Variants in MYO1D observed in about 807,000 individuals in gnomAD.
The protein encoded by MYO1D is unconventional myosin-Id.
MYO1D carries 83 observed loss-of-function variants against 122.0 expected under a neutral mutation model. The ratio of observed to expected loss-of-function variants is 0.68; its 90% CI spans 0.57 to 0.82. MYO1D has a LOEUF of 0.82. MYO1D is among the 40% of genes least tolerant of loss of function. The pLI, the probability that MYO1D is intolerant of heterozygous loss-of-function variation, is 0.00. For synonymous variants in MYO1D, 464 were observed against 446.9 expected (o/e 1.04, Z -0.48); for missense variants, 1,157 against 1,269.5 (o/e 0.91, Z 1.35).
chr17:32,499,795 C>CA (rs59999483), intron 21 of MYO1D, among the ~76,000 whole-genome samples: 89 of 144,926 alleles, frequency 6.1e-4, no homozygotes, highest in Middle Eastern at 3.6e-3. Context: ...ACTGTCTCTA[C>CA]AAAAAAAAAA....
At chr17:32,736,525 T>G (rs1042147358) in intron 14 of MYO1D, among the ~76,000 whole-genome samples, 1 of 152,240 alleles carries the variant, frequency 6.6e-6, no homozygotes, top group Non-Finnish European at 1.5e-5. Context: ...ATGCCAGTCC[T>G]GGGATGCCTT....
At chr17:32,868,541 G>C (rs188815225) in intron 1 of MYO1D, among the ~76,000 whole-genome samples, 1 of 152,260 alleles carries the variant, frequency 6.6e-6, no homozygotes, top group African/African-American at 2.4e-5. Context: ...TCTTAGTGAG[G>C]GAGGAAGAAA....
chr17:32,621,993 G>A (rs321154), intron 20 of MYO1D, among the ~76,000 whole-genome samples: 87,917 of 151,952 alleles, frequency 0.58, 26,161 homozygotes, highest in African/African-American at 0.71. Context: ...CTGGGAAATA[G>A]ATTCCTGTTG....
intron 7 of MYO1D, among the ~76,000 whole-genome samples, chr17:32,765,368 T>C (rs2090045114): frequency 6.6e-6 from 1 of 152,198 alleles, no homozygotes; most frequent in African/African-American, 2.4e-5. Context: ...GTGTCATACT[T>C]AGACCATTCC....
intron 21 of MYO1D, among the ~76,000 whole-genome samples, chr17:32,499,523 A>G (rs886559561): frequency 1.1e-4 from 17 of 151,884 alleles, no homozygotes; most frequent in Non-Finnish European, 2.1e-4. Flanking sequence ...AATCCCAGCT[A>G]CTCGGGAGGC....
At chr17:32,811,425 C>T (rs1292981966) in intron 1 of MYO1D, among the ~76,000 whole-genome samples, 1 of 152,160 alleles carries the variant, frequency 6.6e-6, no homozygotes, top group African/African-American at 2.4e-5. Flanking sequence ...AATCCATCCC[C>T]GCTACTCCAG....
In MYO1D at chr17:32,545,524, T is replaced by G. The variant is rs112044280; in HGVS notation, c.2865-50609A>C. On this transcript the variant is annotated intron_variant, in intron 21 of 21. Coordinates refer to ENST00000318217, the MANE Select transcript of MYO1D (RefSeq NM_015194.3). ...AGTGGAATACCATTCCACCTCTTAT[T>G]AGGAAGACACTCACAGAGAATCATG... Among the ~76,000 whole-genome samples the G allele has an allele frequency of 5.0e-3, 768 of 152,276 alleles. 8 individuals are homozygous for G. The highest frequency in any genetic ancestry group is 0.017 in the African/African-American group (724 of 41,546).
At chr17:32,714,795 T>C (rs1277680306) in intron 15 of MYO1D, among the ~76,000 whole-genome samples, 3 of 151,990 alleles carry the variant, frequency 2.0e-5, no homozygotes, top group Non-Finnish European at 2.9e-5. Context: ...CCAAAAGTAA[T>C]TGCAAAAAAA....
At chr17:32,625,041 T>G (rs1400962997) in intron 20 of MYO1D, among the ~76,000 whole-genome samples, 1 of 152,310 alleles carries the variant, frequency 6.6e-6, no homozygotes, top group East Asian at 1.9e-4. Flanking sequence ...TCTGCCTGCC[T>G]TGACCTCCCA....
chr17:32,512,006 T>C (rs1241645241), intron 21 of MYO1D, among the ~76,000 whole-genome samples: 1 of 152,006 alleles, frequency 6.6e-6, no homozygotes, highest in Non-Finnish European at 1.5e-5. Flanking sequence ...ACATATATAT[T>C]AAAAAGAGAG....
At chr17:32,753,155 A>T (rs1598066621) in intron 11 of MYO1D, among the ~76,000 whole-genome samples, 1 of 152,160 alleles carries the variant, frequency 6.6e-6, no homozygotes, top group African/African-American at 2.4e-5. Context: ...CCATTATACT[A>T]GGTGAAATAA....
chr17:32,617,317 A>G (rs2087784115), intron 20 of MYO1D, among the ~76,000 whole-genome samples: 1 of 152,186 alleles, frequency 6.6e-6, no homozygotes, highest in Non-Finnish European at 1.5e-5. Context: ...CTGAGGTGTC[A>G]GTCACCTCAG....
At chr17:32,646,381 A>G (rs1340950298) in intron 19 of MYO1D, among the ~76,000 whole-genome samples, 2 of 152,174 alleles carry the variant, frequency 1.3e-5, no homozygotes, top group African/African-American at 2.4e-5. Context: ...AGGCAAGAGC[A>G]TTGCTTGAGC....
In MYO1D at chr17:32,712,204, A is replaced by C. The variant is rs759335131; in HGVS notation, c.1914-9T>G. 1 of 1,607,244 alleles carries C rather than the reference A, an allele frequency of 6.2e-7. No homozygotes were observed. The highest frequency in any genetic ancestry group is 1.7e-5 in the Admixed American group (1 of 59,982). On this transcript the variant is annotated splice_polypyrimidine_tract_variant and intron_variant, in intron 15 of 21. Transcript: ENST00000318217. ...CAGAGATCATCTTATACCTGGATGAAAAAAAGAAACAGGGTTAAGGGAGAA... is the reference window on the plus strand; with the variant it reads ...CAGAGATCATCTTATACCTGGATGACAAAAAGAAACAGGGTTAAGGGAGAA...
chr17:32,669,044 GA>G (rs925202390), intron 16 of MYO1D, among the ~76,000 whole-genome samples: 20 of 152,120 alleles, frequency 1.3e-4, no homozygotes, highest in African/African-American at 4.8e-4. Flanking sequence ...TAACAGAATT[GA>G]AAAAAACCAT....
intron 15 of MYO1D, among the ~76,000 whole-genome samples, chr17:32,715,691 T>C (rs1401711427): frequency 6.6e-6 from 1 of 152,130 alleles, no homozygotes. Flanking sequence ...AATATAAACA[T>C]ATATTTTCAA....
At chr17:32,628,753 G>A (rs1192006602) in intron 20 of MYO1D, among the ~76,000 whole-genome samples, 2 of 152,178 alleles carry the variant, frequency 1.3e-5, no homozygotes, top group Non-Finnish European at 2.9e-5. Flanking sequence ...ATACTGATGA[G>A]GATGGGAAGT....
At chr17:32,504,106 G>T (rs1316923813) in intron 21 of MYO1D, among the ~76,000 whole-genome samples, 1 of 152,196 alleles carries the variant, frequency 6.6e-6, no homozygotes, top group African/African-American at 2.4e-5. Flanking sequence ...CCTTTCTCTT[G>T]TCATGAACCA....
intron 20 of MYO1D, 57 bp from the exon 21 acceptor site, chr17:32,605,298 AAAAATACATT>A: frequency 6.8e-7 from 1 of 1,473,648 alleles, no homozygotes; most frequent in Non-Finnish European, 9.2e-7. Flanking sequence ...GAATGAATTA[AAAAATACATT>A]TTGGAGCTGG....
Sources: gnomAD v4.1 joint callset for allele counts (sites outside exome capture counted in the v4.1 genomes callset) on GRCh38, gnomAD v4.1.1 for gene constraint, MANE v1.5 for transcripts, NCBI Gene and HGNC (gene_info 2026-07-23, HGNC 2026-07-21) for gene names.